Variants in PKNOX2 observed in about 807,000 individuals in gnomAD.
The protein encoded by PKNOX2 is homeobox protein PKNOX2.
Under a neutral mutation model 53.1 loss-of-function variants are expected in PKNOX2, and 14 were observed. The observed-to-expected ratio is 0.26, with a 90% CI of 0.17 to 0.41. The LOEUF (loss-of-function observed/expected upper bound fraction) is 0.41. Ranked by LOEUF, PKNOX2 falls within the 10% of genes least tolerant of loss-of-function variation. PKNOX2 has a pLI of 1.00. For synonymous variants in PKNOX2, 257 were observed against 242.8 expected, an observed-to-expected ratio of 1.06 and a Z score of -0.54; for missense variants, 496 against 602.8, an observed-to-expected ratio of 0.82 and a Z score of 1.85.
At chr11:125,412,916 A>G (rs536980580) in intron 10 of PKNOX2, among the ~76,000 whole-genome samples, 1 of 152,318 alleles carries the variant, frequency 6.6e-6, no homozygotes, top group African/African-American at 2.4e-5. Flanking sequence ...GAAGCCATGG[A>G]GACCAGGCCT....
intron 2 of PKNOX2, among the ~76,000 whole-genome samples, chr11:125,302,120 G>A (rs1948117887): frequency 1.3e-5 from 2 of 152,206 alleles, no homozygotes; most frequent in Admixed American, 1.3e-4. Context: ...CCTGGAGGAG[G>A]TCCAGAGAGG....
At chr11:125,354,564 G>A (rs747996790) in intron 4 of PKNOX2, among the ~76,000 whole-genome samples, 23 of 152,252 alleles carry the variant, frequency 1.5e-4, no homozygotes, top group East Asian at 7.7e-4. Flanking sequence ...TAATGTTCCC[G>A]TTGTGCTAAG....
chr11:125,173,672 G>A (rs2135211611), intron 1 of PKNOX2, among the ~76,000 whole-genome samples: 1 of 152,354 alleles, frequency 6.6e-6, no homozygotes, highest in Middle Eastern at 3.4e-3. Flanking sequence ...CGCACTAAGA[G>A]GCAGAGGTAG....
At chr11:125,221,642 CTTG>C (rs1489167112) in intron 1 of PKNOX2, among the ~76,000 whole-genome samples, 2 of 152,146 alleles carry the variant, frequency 1.3e-5, no homozygotes, top group African/African-American at 4.8e-5. Context: ...GTTTAAGTAG[CTTG>C]TTATTATGGG....
intron 10 of PKNOX2, 49 bp from the exon 11 acceptor site, chr11:125,428,963 C>G (rs764997854): frequency 6.5e-7 from 1 of 1,549,932 alleles, no homozygotes; most frequent in Admixed American, 1.7e-5. Flanking sequence ...CTTGGGGGGG[C>G]CAGATCAGCA....
At chr11:125,213,878 T>C (rs940877109) in intron 1 of PKNOX2, among the ~76,000 whole-genome samples, 3 of 152,016 alleles carry the variant, frequency 2.0e-5, no homozygotes, top group African/African-American at 7.2e-5. Flanking sequence ...AAACCACGTA[T>C]GTGGAAAGTA....
rs1466403658 is a variant in PKNOX2 at position 125,240,997 on chromosome 11, C to A, written c.-130+5882C>A. Among the ~76,000 whole-genome samples, 1 of 152,236 alleles carries A rather than the reference C, an allele frequency of 6.6e-6. No homozygotes were observed. The highest frequency in any genetic ancestry group is 1.5e-5 in the Non-Finnish European group (1 of 68,046). On this transcript the variant is annotated intron_variant, in intron 2 of 12. Coordinates refer to ENST00000298282, the MANE Select transcript of PKNOX2 (RefSeq NM_001382323.2). The surrounding 1 kb of genome is among the most constrained non-coding windows in gnomAD (Gnocchi z 4.3). Reference sequence around the variant, plus strand: ...CTGGAGGAGCCTAGCGCTGTGCTTGCGATAGCTGGAGCCTAATTAATGCTG... The same window carrying A: ...CTGGAGGAGCCTAGCGCTGTGCTTGAGATAGCTGGAGCCTAATTAATGCTG...
chr11:125,429,814 GC>G, intron 11 of PKNOX2, 148 bp from the exon 12 acceptor site: 1 of 870,276 alleles, frequency 1.1e-6, no homozygotes, highest in Non-Finnish European at 1.8e-6. Flanking sequence ...AGCACCCAGG[GC>G]CCTCCTCCTT....
At chr11:125,238,241 G>A (rs1942883346) in intron 2 of PKNOX2, among the ~76,000 whole-genome samples, 1 of 152,202 alleles carries the variant, frequency 6.6e-6, no homozygotes, top group Non-Finnish European at 1.5e-5. Context: ...GCTGAGAATG[G>A]CTAACACCAA....
At chr11:125,264,256 G>A (rs911763899) in intron 2 of PKNOX2, among the ~76,000 whole-genome samples, 1 of 152,124 alleles carries the variant, frequency 6.6e-6, no homozygotes, top group African/African-American at 2.4e-5. Flanking sequence ...GGCAGAGGGC[G>A]GCTGCTTCCC....
intron 6 of PKNOX2, among the ~76,000 whole-genome samples, chr11:125,397,455 A>G (rs1954476765): frequency 6.6e-6 from 1 of 152,234 alleles, no homozygotes; most frequent in African/African-American, 2.4e-5. Flanking sequence ...ACAAACCTGT[A>G]AAGTTGTCAG....
At chr11:125,356,187 C>T (rs537099326) in intron 4 of PKNOX2, among the ~76,000 whole-genome samples, 2 of 152,324 alleles carry the variant, frequency 1.3e-5, no homozygotes, top group Admixed American at 6.5e-5. Flanking sequence ...CCTGGCATGT[C>T]AGCTGCATGA....
Position 125,343,634 on chromosome 11 carries a change from G to A in PKNOX2, c.-22-7650G>A, listed in dbSNP as rs998264493. ...TAGGAAGATCTAATGGACAATTGCC[G>A]CTATCAGGGGGAATTAAATTGCTGT... is the stretch of plus-strand genomic sequence containing the variant. On this transcript the variant is annotated intron_variant, in intron 3 of 12. Transcript: ENST00000298282. Among the ~76,000 whole-genome samples the A allele has an allele frequency of 6.6e-5, 10 of 152,312 alleles. No homozygotes were observed. In the South Asian group the frequency reaches 1.0e-3, roughly 16 times the overall value.
chr11:125,165,086 G>T lies in PKNOX2; in HGVS notation c.-201+310G>T, dbSNP rs925216410. On this transcript the variant is annotated intron_variant, in intron 1 of 12. Coordinates refer to ENST00000298282, the MANE Select transcript of PKNOX2 (RefSeq NM_001382323.2). This position sits in a 1 kb window ranked among gnomAD's most constrained non-coding sequence, Gnocchi z 4.5. ...AGCAGCGCGAGGGGCGGCGAGGCCG[G>T]GCACGGAGGCTGCGAGAGCCCCGCG... Among the ~76,000 whole-genome samples the T allele has an allele frequency of 1.3e-5, 2 of 149,796 alleles. No individual in the cohort carries two copies. Among genetic ancestry groups the T allele is most frequent in the Non-Finnish European group, 3.0e-5 (2 of 67,254 alleles).
rs1196044043 is a variant in PKNOX2 at position 125,431,344 on chromosome 11, G to A, written c.1371G>A (p.Thr457=). The change falls in exon 13 of 13, where the codon ACG becomes ACA. Residue 457 remains threonine, a synonymous_variant. Coordinates refer to ENST00000298282, the MANE Select transcript of PKNOX2 (RefSeq NM_001382323.2). ...ELEEEVDELQ[T]TNVSDLGLEH... is the part of the protein sequence containing the mutation. ...AGGAGGAGGTCGACGAGCTGCAGAC[G>A]ACAAATGTCAGCGACCTGGGCTTGG... 6 of 1,613,468 alleles carry A rather than the reference G, an allele frequency of 3.7e-6. No individual in the cohort carries two copies. The highest frequency in any genetic ancestry group is 1.7e-5 in the Admixed American group (1 of 59,968).
intron 1 of PKNOX2, among the ~76,000 whole-genome samples, chr11:125,226,441 C>A (rs1205646265): frequency 6.6e-6 from 1 of 152,184 alleles, no homozygotes; most frequent in Non-Finnish European, 1.5e-5. Context: ...TCTTCTTGCT[C>A]TGGTACAGCC....
intron 1 of PKNOX2, among the ~76,000 whole-genome samples, chr11:125,189,044 A>G (rs749612148): frequency 5.9e-5 from 9 of 151,924 alleles, no homozygotes; most frequent in African/African-American, 2.2e-4. Flanking sequence ...AAAAGTCCCA[A>G]TCAACTTAGG....
chr11:125,197,117 C>T (rs989701664), intron 1 of PKNOX2, among the ~76,000 whole-genome samples: 9 of 152,230 alleles, frequency 5.9e-5, no homozygotes, highest in South Asian at 2.1e-4. Flanking sequence ...CGGCCCCAGC[C>T]GGGACCCCTG....
chr11:125,411,911 G>T, intron 10 of PKNOX2, 46 bp downstream of exon 10: 1 of 1,611,620 alleles, frequency 6.2e-7, no homozygotes, highest in South Asian at 1.1e-5. Flanking sequence ...CATGGGGTAT[G>T]AATAACCCAC....
Sources: gnomAD v4.1 joint callset for allele counts (sites outside exome capture counted in the v4.1 genomes callset) on GRCh38, gnomAD v4.1.1 for gene constraint, Gnocchi (gnomAD v3.1) non-coding constraint, MANE v1.5 for transcripts, NCBI Gene and HGNC (gene_info 2026-07-23, HGNC 2026-07-21) for gene names.